Variants in ADAMTS9 observed in about 807,000 individuals in gnomAD.
ADAMTS9 encodes the protein ADAM metallopeptidase with thrombospondin type 1 motif 9.
ADAMTS9 carries 107 observed loss-of-function variants against 257.1 expected under a neutral mutation model. That is an observed-to-expected ratio of 0.42 (90% CI 0.36 to 0.49). The LOEUF is 0.49. Ranked by LOEUF, ADAMTS9 falls within the 20% of genes least tolerant of loss-of-function variation. The pLI is 0.03. For synonymous variants in ADAMTS9, 982 were observed against 880.9 expected (o/e 1.11, Z -2.03); for missense variants, 2,353 against 2,469.1 (o/e 0.95, Z 1.00).
chr3:64,542,533 T>G (rs1235894422), intron 32 of ADAMTS9, among the ~76,000 whole-genome samples: 3 of 151,000 alleles, frequency 2.0e-5, no homozygotes, highest in Admixed American at 6.6e-5. Context: ...GTTCAAGCGA[T>G]TCTCCTGCCT....
Position 64,551,060 on chromosome 3 carries a change from G to T in ADAMTS9, c.4701C>A (p.Cys1567Ter). Residue 1567 changes from cysteine to a stop codon, truncating the protein, a stop_gained and splice_region_variant, in exon 31 of 40, where the codon TGC (cysteine) becomes TGA (stop). Coordinates refer to ENST00000498707, the MANE Select transcript of ADAMTS9 (RefSeq NM_182920.2). LOFTEE classifies it high-confidence loss of function. ...YTWRAEEWQE[C>*]TKTCGEGSRY... ...TGGAGCCTTCGCCGCAGGTCTTGGTGCACTGTTAAATACAAGCAAAAGAGA... is the reference window on the plus strand; with the variant it reads ...TGGAGCCTTCGCCGCAGGTCTTGGTTCACTGTTAAATACAAGCAAAAGAGA... 3.7e-6 allele frequency: 6 copies of T among 1,614,098 alleles called. No homozygotes were observed. Among genetic ancestry groups the T allele is most frequent in the Non-Finnish European group, 5.1e-6 (6 of 1,179,978 alleles).
chr3:64,550,944 C>G lies in ADAMTS9; in HGVS notation c.4817G>C (p.Ser1606Thr). 1 of 1,614,178 alleles carries G rather than the reference C, an allele frequency of 6.2e-7. No individual in the cohort carries two copies. The highest frequency in any genetic ancestry group is 8.5e-7 in the Non-Finnish European group (1 of 1,180,032). Residue 1606 changes from serine to threonine, a missense_variant, in exon 31 of 40, where the codon AGC (serine) becomes ACC (threonine). Ser to Thr is a moderately conservative substitution (Grantham distance 58, BLOSUM62 1). Around this residue, in one of 3 missense-constraint regions of ADAMTS9, gnomAD observed 1,402 missense variants for 1,441.4 expected, o/e 0.97. Transcript: ENST00000498707. ...DVSKRPVDRE[S>T]CSLQPCEYVW... ...ATACTCGCAGGGTTGCAAACTACAG[C>G]TTTCACGGTCCACCGGCCGCTTGCT...
intron 23 of ADAMTS9, among the ~76,000 whole-genome samples, chr3:64,606,687 G>A (rs553409210): frequency 6.6e-6 from 1 of 152,218 alleles, no homozygotes; most frequent in Admixed American, 6.5e-5. Flanking sequence ...TTAGAAATAT[G>A]AGTTTAAGAA....
At chr3:64,632,087 T>C (rs1411490863) in intron 14 of ADAMTS9, among the ~76,000 whole-genome samples, 162 bp from the exon 15 acceptor site, 1 of 152,202 alleles carries the variant, frequency 6.6e-6, no homozygotes, top group Non-Finnish European at 1.5e-5. Context: ...GCCTTGCTAT[T>C]TAAAATGTGG....
intron 16 of ADAMTS9, among the ~76,000 whole-genome samples, chr3:64,629,368 A>G (rs1007810593): frequency 1.3e-5 from 2 of 152,210 alleles, no homozygotes; most frequent in African/African-American, 4.8e-5. Context: ...CAAAGTTCTT[A>G]AAATGGTTAT....
intron 26 of ADAMTS9, among the ~76,000 whole-genome samples, chr3:64,599,302 T>G (rs116628355): frequency 6.6e-6 from 1 of 152,240 alleles, no homozygotes; most frequent in Non-Finnish European, 1.5e-5. Context: ...TCTGGACTTT[T>G]GTTAACAAAG....
At position 64,644,010 on chromosome 3, in the gene ADAMTS9, T is replaced by C. The variant is rs75021969; in HGVS notation, c.1711-2017A>G. Among the ~76,000 whole-genome samples, 36 of 152,310 alleles carry C rather than the reference T, an allele frequency of 2.4e-4. No individual in the cohort carries two copies. The East Asian group carries it at 5.6e-3, about 24-fold the overall frequency. On this transcript the variant is annotated intron_variant, in intron 11 of 39. Coordinates refer to ENST00000498707, the MANE Select transcript of ADAMTS9 (RefSeq NM_182920.2). ...TGGCCTTGGGTGAGTCCTTAAAGTC[T>C]GTTTCCACAATCAAAAAATGGGGAC... is the stretch of plus-strand genomic sequence containing the variant.
intron 28 of ADAMTS9, among the ~76,000 whole-genome samples, chr3:64,579,315 G>GTT (rs1263320484): frequency 6.6e-6 from 1 of 152,012 alleles, no homozygotes; most frequent in East Asian, 1.9e-4. Context: ...TTTCCCCTAT[G>GTT]TTTGCTCAAA....
intron 8 of ADAMTS9, among the ~76,000 whole-genome samples, chr3:64,654,087 G>T (rs978907319): frequency 6.6e-6 from 1 of 152,176 alleles, no homozygotes; most frequent in Non-Finnish European, 1.5e-5. Context: ...TAGGAAGGGA[G>T]AATATTAGAC....
chr3:64,546,626 C>T (rs2083203164), intron 32 of ADAMTS9, 132 bp downstream of exon 32: 3 of 921,952 alleles, frequency 3.3e-6, no homozygotes, highest in Non-Finnish European at 3.2e-6. Flanking sequence ...CCTGTTAGCC[C>T]ATTTCAAGTT....
Position 64,648,009 on chromosome 3 carries a change from A to G in ADAMTS9, c.1641T>C (p.Asn547=), listed in dbSNP as rs1294101434. 6.2e-6 allele frequency: 10 copies of G among 1,613,460 alleles called. No homozygotes were observed. The highest frequency in any genetic ancestry group is 7.6e-6 in the Non-Finnish European group (9 of 1,179,962). ...QCRRLWCNNV[N]GVHKGCRTQH... ...GAGTCCGGCAGCCTTTGTGTACTCCATTGACGTTATTGCACCAGAGCCGTC... is the reference window on the plus strand; with the variant it reads ...GAGTCCGGCAGCCTTTGTGTACTCCGTTGACGTTATTGCACCAGAGCCGTC... Residue 547 remains asparagine, a synonymous_variant, in exon 11 of 40, where the codon AAT becomes AAC. Transcript: ENST00000498707.
chr3:64,566,285 G>C (rs1044153719), intron 29 of ADAMTS9, among the ~76,000 whole-genome samples: 3 of 152,126 alleles, frequency 2.0e-5, no homozygotes, highest in African/African-American at 7.2e-5. Flanking sequence ...TTATTTTCAG[G>C]TACACTTCTA....
intron 11 of ADAMTS9, among the ~76,000 whole-genome samples, chr3:64,647,309 CAGA>C (rs1407385115): frequency 6.6e-6 from 1 of 151,888 alleles, no homozygotes; most frequent in African/African-American, 2.4e-5. Flanking sequence ...ACACTAGGTA[CAGA>C]AGGTTAAGTT....
chr3:64,530,083 C>T (rs1206195719), intron 38 of ADAMTS9, among the ~76,000 whole-genome samples: 1 of 147,664 alleles, frequency 6.8e-6, no homozygotes, highest in African/African-American at 2.5e-5. Flanking sequence ...CTCAGCCTTC[C>T]CAAGTGCTGG....
In ADAMTS9 at chr3:64,621,150, T is replaced by C. The variant is rs201176309; in HGVS notation, c.2777A>G (p.His926Arg). Reference protein sequence around the residue: ...QRCDRLPQPGHITEPCGTDCD... With the variant: ...QRCDRLPQPGRITEPCGTDCD... The stretch of plus-strand genomic sequence containing the variant: ...GTCTGTACCACAGGGTTCAGTAATG[T>C]GTCCAGGCTGGGGCAGCCGATCGCA... Residue 926 changes from histidine (H) to arginine (R), a missense_variant, in exon 19 of 40, where the codon CAC becomes CGC. This residue lies in a region of ADAMTS9 where 1,402 missense variants were observed against 1,441.4 expected (regional missense o/e 0.97). Transcript: ENST00000498707. 2 of 1,613,910 alleles carry C rather than the reference T, an allele frequency of 1.2e-6. No homozygotes were observed. Among genetic ancestry groups the C allele is most frequent in the East Asian group, 2.2e-5 (1 of 44,834 alleles).
intron 38 of ADAMTS9, among the ~76,000 whole-genome samples, chr3:64,532,627 G>C (rs1483932135): frequency 6.6e-6 from 1 of 152,070 alleles, no homozygotes; most frequent in East Asian, 1.9e-4. Context: ...CGGGCCCCCA[G>C]GTGACACTGA....
At chr3:64,671,307 C>G (rs925983018) in intron 3 of ADAMTS9, among the ~76,000 whole-genome samples, 31 of 152,030 alleles carry the variant, frequency 2.0e-4, no homozygotes, top group African/African-American at 7.0e-4. Flanking sequence ...AGACAGAAAA[C>G]AGGGGTGGGG....
intron 26 of ADAMTS9, among the ~76,000 whole-genome samples, chr3:64,601,310 G>C (rs1391016165): frequency 6.6e-6 from 1 of 152,134 alleles, no homozygotes; most frequent in Non-Finnish European, 1.5e-5. Context: ...TTACAGATAA[G>C]AAAACTGAGG....
intron 2 of ADAMTS9, among the ~76,000 whole-genome samples, chr3:64,682,320 C>G (rs969981213): frequency 1.3e-5 from 2 of 152,184 alleles, no homozygotes; most frequent in African/African-American, 4.8e-5. Flanking sequence ...CTTGCAAAGG[C>G]TTAGAACTCG....
Sources: gnomAD v4.1 joint callset for allele counts (sites outside exome capture counted in the v4.1 genomes callset) on GRCh38, gnomAD v4.1.1 for gene constraint, gnomAD v4.1.1 regional missense constraint, MANE v1.5 for transcripts, NCBI Gene and HGNC (gene_info 2026-07-23, HGNC 2026-07-21) for gene names.